CDK1: variants seen among roughly 807,000 people sequenced by gnomAD.
CDK1 encodes the protein cyclin dependent kinase 1.
Under a neutral mutation model 34.6 loss-of-function variants are expected in CDK1, and 5 were observed. That is an observed-to-expected ratio of 0.14 (90% CI 0.08 to 0.30). CDK1 has a LOEUF of 0.30. Among genes scored for constraint, CDK1 ranks in the 10% least tolerant of loss-of-function variants. CDK1 has a pLI of 1.00. For synonymous variants in CDK1, 108 were observed against 114.7 expected (o/e 0.94, Z 0.37); for missense variants, 157 against 345.7 (o/e 0.45, Z 4.33).
rs1338746092 is a variant in CDK1 at position 60,794,496 on chromosome 10, G to A, written c.*521G>A. 1 of 149,800 alleles carries A rather than the reference G, an allele frequency of 6.7e-6. No individual in the cohort carries two copies. Among genetic ancestry groups the A allele is most frequent in the African/African-American group, 2.4e-5 (1 of 40,990 alleles). The allele number at this position is 149,800 out of a possible 1,614,324, so 9.3% of individuals were successfully genotyped here. ...GCATTCGGAATGAGAAAACTATACA[G>A]ATTTGAGAAATGATGCTAAATTTAT... On this transcript the variant is annotated 3_prime_UTR_variant, in exon 8 of 8. Transcript: ENST00000395284.
At chr10:60,789,920 T>C (rs1259252882) in intron 5 of CDK1, among the ~76,000 whole-genome samples, 1 of 152,188 alleles carries the variant, frequency 6.6e-6, no homozygotes, top group African/African-American at 2.4e-5. Context: ...ACTTATTTTT[T>C]GTCTTTTGAT....
At chr10:60,787,284 T>C (rs1227869117) in intron 4 of CDK1, among the ~76,000 whole-genome samples, 1 of 152,096 alleles carries the variant, frequency 6.6e-6, no homozygotes. Context: ...ATGTAAGTGT[T>C]TTGAGCACAA....
chr10:60,786,163 TTTA>T (rs1274335259), intron 4 of CDK1: 2 of 901,610 alleles, frequency 2.2e-6, no homozygotes, highest in Non-Finnish European at 1.3e-6. Context: ...ATTGTAGACA[TTTA>T]TTATATTTCA....
At chr10:60,788,289 C>T (rs1304903202) in intron 5 of CDK1, 59 bp downstream of exon 5, 1 of 1,180,960 alleles carries the variant, frequency 8.5e-7, no homozygotes, top group Non-Finnish European at 1.2e-6. Flanking sequence ...AGATTATTTT[C>T]TGTATTTGTG....
intron 5 of CDK1, among the ~76,000 whole-genome samples, chr10:60,790,249 A>G (rs1335715759): frequency 6.6e-6 from 1 of 151,744 alleles, no homozygotes; most frequent in Admixed American, 6.6e-5. Context: ...CTGTTTGTCT[A>G]TTTGTTATTG....
At chr10:60,786,332 AT>A (rs1004744581) in intron 4 of CDK1, 12,530 of 724,448 alleles carry the variant, frequency 0.017, 3 homozygotes, top group Non-Finnish European at 0.019. Flanking sequence ...GTATATAAAG[AT>A]TTTTTTTTTT....
intron 5 of CDK1, among the ~76,000 whole-genome samples, chr10:60,789,891 T>G (rs2080347120): frequency 6.6e-6 from 1 of 152,214 alleles, no homozygotes; most frequent in Admixed American, 6.5e-5. Context: ...AGTTGCCCTT[T>G]CTCTGCATCC....
intron 4 of CDK1, chr10:60,786,727 G>T (rs2080319469): frequency 2.7e-6 from 1 of 363,716 alleles, no homozygotes; most frequent in South Asian, 1.1e-4. Flanking sequence ...CCAAAACTTG[G>T]TTTTATCAAT....
intron 4 of CDK1, chr10:60,786,894 TCTTG>T (rs773339118): frequency 1.6e-5 from 16 of 981,658 alleles, no homozygotes; most frequent in Non-Finnish European, 1.9e-5. Flanking sequence ...TGCTTTTATG[TCTTG>T]CTTAAGTCTT....
intron 1 of CDK1, among the ~76,000 whole-genome samples, chr10:60,779,587 G>C (rs2080254496): frequency 1.3e-5 from 2 of 152,158 alleles, no homozygotes; most frequent in South Asian, 4.1e-4. Flanking sequence ...ACCTCAGCAA[G>C]CAGAGGAAAA....
intron 5 of CDK1, among the ~76,000 whole-genome samples, chr10:60,791,247 AT>A (rs1437626574): frequency 4.6e-5 from 7 of 151,890 alleles, no homozygotes; most frequent in African/African-American, 1.7e-4. Context: ...CATTTGTTAA[AT>A]TTATTCCTAG....
At position 60,791,408 on chromosome 10, in the gene CDK1, C is replaced by CT. The variant is rs560106883; in HGVS notation, c.490-478dup. 2.7e-3 allele frequency among the ~76,000 whole-genome samples: 414 copies of CT among 152,126 alleles called. 3 individuals are homozygous for CT. Among genetic ancestry groups the CT allele is most frequent in the Middle Eastern group, 0.014 (4 of 294 alleles). Reference sequence around the variant, plus strand: ...CAGTTCTAAGAGTTTTTGGTGGAGTCTTTTAAGTTTTTCTATATATAAGAT... The same window carrying CT: ...CAGTTCTAAGAGTTTTTGGTGGAGTCTTTTTAAGTTTTTCTATATATAAGAT... On this transcript the variant is annotated intron_variant, in intron 5 of 7. Transcript: ENST00000395284.
rs1243923852 is a variant in CDK1 at position 60,785,703 on chromosome 10, C to T, written c.234C>T (p.Leu78=). The T allele has an allele frequency of 1.2e-6, 2 of 1,610,556 alleles. No individual in the cohort carries two copies. The highest frequency in any genetic ancestry group is 2.2e-5 in the East Asian group (1 of 44,774). ...TTATGCAGGATTCCAGGTTATATCT[C>T]ATCTTTGAGTTTCTTTCCATGGATC... ...DVLMQDSRLY[L]IFEFLSMDLK... Residue 78 remains leucine, a synonymous_variant, in exon 4 of 8, where the codon CTC becomes CTT. Coordinates refer to ENST00000395284, the MANE Select transcript of CDK1 (RefSeq NM_001786.5).
rs1323937308 is a variant in CDK1 at position 60,784,821 on chromosome 10, A to G, written c.154A>G (p.Ile52Val). The change falls in exon 3 of 8, where the codon ATT (isoleucine) becomes GTT (valine). Residue 52 changes from isoleucine (I) to valine (V), a missense_variant. By Grantham distance (29) the Ile-to-Val change is conservative (BLOSUM62 3). This residue lies in a region of CDK1 where 53 missense variants were observed against 89.2 expected (regional missense o/e 0.59). Coordinates refer to ENST00000395284, the MANE Select transcript of CDK1 (RefSeq NM_001786.5). The part of the protein sequence containing the change: ...EGVPSTAIRE[I>V]SLLKELRHPN... ...GGTTCCTAGTACTGCAATTCGGGAAATTTCTCTATTAAAGGAACTTCGTCA... is the reference window on the plus strand; with the variant it reads ...GGTTCCTAGTACTGCAATTCGGGAAGTTTCTCTATTAAAGGAACTTCGTCA... 2.2e-5 allele frequency: 35 copies of G among 1,613,672 alleles called. No individual in the cohort carries two copies. The highest frequency in any genetic ancestry group is 2.9e-5 in the Non-Finnish European group (34 of 1,179,744).
intron 5 of CDK1, among the ~76,000 whole-genome samples, chr10:60,789,808 T>G (rs1362778958): frequency 6.6e-6 from 1 of 152,172 alleles, no homozygotes; most frequent in Non-Finnish European, 1.5e-5. Flanking sequence ...TAGTTTGTAG[T>G]TTTTTGAGCA....
At chr10:60,780,250 TACA>T in intron 2 of CDK1, 48 bp downstream of exon 2, 1 of 947,646 alleles carries the variant, frequency 1.1e-6, no homozygotes, top group Non-Finnish European at 1.7e-6. Flanking sequence ...TTAACAATGC[TACA>T]ACTTCTGTAA....
intron 5 of CDK1, among the ~76,000 whole-genome samples, chr10:60,790,887 C>T (rs192459954): frequency 8.5e-5 from 13 of 152,160 alleles, no homozygotes; most frequent in Admixed American, 3.3e-4. Flanking sequence ...TTGGTCTCTG[C>T]GTCCTTTTTT....
chr10:60,789,632 A>G (rs986590449), intron 5 of CDK1, among the ~76,000 whole-genome samples: 1 of 152,156 alleles, frequency 6.6e-6, no homozygotes, highest in African/African-American at 2.4e-5. Context: ...GTGTGTATGT[A>G]TACACCACAT....
Position 60,788,326 on chromosome 10 carries a change from A to G in CDK1, c.489+96A>G, listed in dbSNP as rs1005772282. ...AAGTCAAGAAATAACTCAATAAAAGATATCTACTCTGTGGCAGTATCAATT... is the reference window on the plus strand; with the variant it reads ...AAGTCAAGAAATAACTCAATAAAAGGTATCTACTCTGTGGCAGTATCAATT... On this transcript the variant is annotated intron_variant, in intron 5 of 7. Transcript: ENST00000395284. The G allele has an allele frequency of 2.0e-5, 18 of 896,488 alleles. No homozygotes were observed. The Admixed American group carries it at 2.8e-4, about 14-fold the overall frequency. 55.5% of individuals were successfully genotyped at this position (896,488 alleles called of 1,614,324 possible).
Sources: allele counts gnomAD v4.1 joint callset (sites outside exome capture counted in the v4.1 genomes callset), GRCh38; gene constraint gnomAD v4.1.1; regional missense constraint gnomAD v4.1.1; transcripts MANE v1.5; gene names NCBI Gene and HGNC (gene_info 2026-07-23, HGNC 2026-07-21).